Variants in CCDC91 observed in about 807,000 individuals in gnomAD.
CCDC91 encodes the protein coiled-coil domain-containing protein 91.
A neutral mutation model predicts 63.2 loss-of-function variants in CCDC91; 48 were observed. The observed-to-expected ratio is 0.76, with a 90% CI of 0.60 to 0.97. The LOEUF (loss-of-function observed/expected upper bound fraction) is 0.97, where lower values mean the gene tolerates loss of function less well. CCDC91 is among the 50% of genes least tolerant of loss of function. The probability of loss-of-function intolerance (pLI) is 0.00; values close to 1 mark genes in which losing one functional copy is unlikely to be tolerated. For synonymous variants in CCDC91, 167 were observed against 165.8 expected (o/e 1.01, Z -0.06); for missense variants, 500 against 494.6 (o/e 1.01, Z -0.10).
intron 3 of CCDC91, among the ~76,000 whole-genome samples, chr12:28,266,385 C>A (rs1481486638): frequency 1.3e-5 from 2 of 151,936 alleles, no homozygotes; most frequent in African/African-American, 2.4e-5. Context: ...CTAAACAATT[C>A]TTTGAGATTT....
intron 8 of CCDC91, among the ~76,000 whole-genome samples, chr12:28,419,983 C>T (rs1947906126): frequency 6.6e-6 from 1 of 152,018 alleles, no homozygotes; most frequent in Non-Finnish European, 1.5e-5. Context: ...TCTCGAACTC[C>T]TAGGCTCAAG....
chr12:28,258,489 T>A (rs1946602108), intron 2 of CCDC91, among the ~76,000 whole-genome samples: 1 of 152,076 alleles, frequency 6.6e-6, no homozygotes, highest in South Asian at 2.1e-4. Flanking sequence ...CTTTCAGTAC[T>A]GCATAGGTAC....
At chr12:28,327,553 A>T (rs1261216891) in intron 6 of CCDC91, among the ~76,000 whole-genome samples, 1 of 152,132 alleles carries the variant, frequency 6.6e-6, no homozygotes, top group Non-Finnish European at 1.5e-5. Flanking sequence ...CTCCTCTAGC[A>T]GTCTATAAAA....
At chr12:28,304,375 TAAAAAAAAAAA>T (rs777296414) in intron 3 of CCDC91, among the ~76,000 whole-genome samples, 174 of 73,582 alleles carry the variant, frequency 2.4e-3, no homozygotes, top group African/African-American at 9.4e-3. Context: ...AGACTCCGTC[TAAAAAAAAAAA>T]AAAAAAAAAA....
At chr12:28,279,364 C>A (rs1160479037) in intron 3 of CCDC91, among the ~76,000 whole-genome samples, 2 of 152,060 alleles carry the variant, frequency 1.3e-5, no homozygotes, top group African/African-American at 4.8e-5. Context: ...GTACAGAAGT[C>A]ATGCACGTAT....
chr12:28,274,763 G>A (rs576397308), intron 3 of CCDC91, among the ~76,000 whole-genome samples: 11 of 152,110 alleles, frequency 7.2e-5, no homozygotes, highest in Non-Finnish European at 8.8e-5. Flanking sequence ...GAGTTTTGTA[G>A]GTATACAATC....
rs115959646 is a variant in CCDC91 at position 28,389,400 on chromosome 12, A to G, written c.655-1904A>G. Among the ~76,000 whole-genome samples the G allele has an allele frequency of 5.9e-3, 903 of 152,246 alleles. 9 individuals carry two copies. The highest frequency in any genetic ancestry group is 0.021 in the African/African-American group (876 of 41,550). ...GGCTAAAATGAGACATTTGAAATAT[A>G]TAAGAGGCCAGTTACTCTTGCATAA... On this transcript the variant is annotated intron_variant, in intron 7 of 12. Coordinates refer to ENST00000536442, the MANE Select transcript of CCDC91 (RefSeq NM_018318.5).
chr12:28,263,357 C>T (rs1946958750), intron 3 of CCDC91, among the ~76,000 whole-genome samples: 1 of 151,690 alleles, frequency 6.6e-6, no homozygotes, highest in Non-Finnish European at 1.5e-5. Context: ...CTCCCCATTG[C>T]CCCCTTCCCT....
intron 3 of CCDC91, among the ~76,000 whole-genome samples, chr12:28,293,703 C>T (rs371843908): frequency 6.6e-6 from 1 of 151,766 alleles, no homozygotes; most frequent in African/African-American, 2.4e-5. Context: ...CTATTTGGTT[C>T]TCTGTAGTCT....
intron 12 of CCDC91, among the ~76,000 whole-genome samples, chr12:28,514,019 C>G (rs1224994674): frequency 6.6e-6 from 1 of 151,754 alleles, no homozygotes; most frequent in East Asian, 1.9e-4. Context: ...CTGTTTTTAG[C>G]TCTTTGAGGA....
At chr12:28,313,537 TAATA>T (rs1939531646) in intron 6 of CCDC91, among the ~76,000 whole-genome samples, 2 of 152,062 alleles carry the variant, frequency 1.3e-5, no homozygotes. Context: ...AAAGAGTAAT[TAATA>T]AATGGAATGT....
intron 6 of CCDC91, among the ~76,000 whole-genome samples, chr12:28,308,822 A>T (rs1252236464): frequency 6.6e-6 from 1 of 151,958 alleles, no homozygotes; most frequent in African/African-American, 2.4e-5. Flanking sequence ...ATTTGCCTGG[A>T]TCACTGTAAT....
At chr12:28,229,430 G>A (rs1409292798) in intron 1 of CCDC91, among the ~76,000 whole-genome samples, 2 of 152,116 alleles carry the variant, frequency 1.3e-5, no homozygotes, top group African/African-American at 4.8e-5. Context: ...TTAAAATAGA[G>A]TGATGTGACA....
intron 1 of CCDC91, among the ~76,000 whole-genome samples, chr12:28,254,875 G>A (rs936939648): frequency 6.6e-6 from 1 of 150,856 alleles, no homozygotes; most frequent in African/African-American, 2.4e-5. Flanking sequence ...AGGTTCAAGC[G>A]ATTCTTCTAC....
intron 8 of CCDC91, among the ~76,000 whole-genome samples, chr12:28,408,244 C>G (rs1178301065): frequency 6.6e-6 from 1 of 152,106 alleles, no homozygotes; most frequent in Non-Finnish European, 1.5e-5. Context: ...GTTTGGTTTT[C>G]TGTTCCTGTG....
chr12:28,511,838 G>A (rs760002777), intron 12 of CCDC91, among the ~76,000 whole-genome samples: 27 of 151,734 alleles, frequency 1.8e-4, no homozygotes, highest in Admixed American at 6.6e-4. Flanking sequence ...CACCATAACC[G>A]GGAGCTTTGC....
At chr12:28,370,560 A>G (rs753120711) in intron 7 of CCDC91, among the ~76,000 whole-genome samples, 9 of 152,082 alleles carry the variant, frequency 5.9e-5, no homozygotes, top group Admixed American at 1.3e-4. Context: ...GCTCTCCAAC[A>G]TGTTTCAACC....
At chr12:28,475,721 G>C (rs1395696556) in intron 11 of CCDC91, among the ~76,000 whole-genome samples, 1 of 151,860 alleles carries the variant, frequency 6.6e-6, no homozygotes, top group African/African-American at 2.4e-5. Context: ...CAGTAAGAAA[G>C]CTCTTACCAG....
intron 8 of CCDC91, among the ~76,000 whole-genome samples, chr12:28,403,214 A>G (rs192438242): frequency 1.2e-4 from 19 of 152,272 alleles, no homozygotes; most frequent in Admixed American, 1.2e-3. Flanking sequence ...ATTGTACAGT[A>G]TTGTTATAAT....
Sources: allele counts gnomAD v4.1 joint callset (sites outside exome capture counted in the v4.1 genomes callset), GRCh38; gene constraint gnomAD v4.1.1; transcripts MANE v1.5; gene names NCBI Gene and HGNC (gene_info 2026-07-23, HGNC 2026-07-21).